The following MAF variants were observed in gnomAD, a reference collection of about 807,000 sequenced individuals.
The protein encoded by MAF is transcription factor Maf.
A neutral mutation model predicts 22.0 loss-of-function variants in MAF; 10 were observed. That is an observed-to-expected ratio of 0.45 (90% CI 0.28 to 0.77). The LOEUF is 0.77. Among genes scored for constraint, MAF ranks in the 30% least tolerant of loss-of-function variants. The pLI, the probability that MAF is intolerant of heterozygous loss-of-function variation, is 0.12. For synonymous variants in MAF, 337 were observed against 255.8 expected (o/e 1.32, Z -3.03); for missense variants, 544 against 548.4 (o/e 0.99, Z 0.08).
the MAF span, among the ~76,000 whole-genome samples, chr16:79,423,453 T>A: frequency 6.6e-6 from 1 of 152,166 alleles, no homozygotes; most frequent in Non-Finnish European, 1.5e-5. Flanking sequence ...CGATGACTTG[T>A]GTGTTCCATC....
the MAF span, among the ~76,000 whole-genome samples, chr16:79,219,081 G>A: frequency 3.3e-5 from 5 of 152,222 alleles, no homozygotes; most frequent in Non-Finnish European, 1.5e-5. Context: ...CTGTTTACAA[G>A]GCCATGCCCT....
chr16:79,484,503 G>T, the MAF span, among the ~76,000 whole-genome samples: 2 of 152,190 alleles, frequency 1.3e-5, no homozygotes, highest in East Asian at 3.9e-4. Context: ...GGTCAGCCAG[G>T]TTCACTTTTC....
At chr16:79,418,321 G>C in the MAF span, among the ~76,000 whole-genome samples, 1 of 152,142 alleles carries the variant, frequency 6.6e-6, no homozygotes, top group Non-Finnish European at 1.5e-5. Context: ...CTCACGGTCA[G>C]CTGGGAGCAG....
the MAF span, among the ~76,000 whole-genome samples, chr16:79,563,180 C>A: frequency 6.6e-6 from 1 of 152,146 alleles, no homozygotes; most frequent in African/African-American, 2.4e-5. Flanking sequence ...AGCTAAACCT[C>A]AATCTGGCAG....
At chr16:79,484,048 C>G in the MAF span, among the ~76,000 whole-genome samples, 4 of 152,122 alleles carry the variant, frequency 2.6e-5, no homozygotes, top group African/African-American at 9.7e-5. Flanking sequence ...CCAGCAGGTG[C>G]CAGGTATTTC....
the MAF span, among the ~76,000 whole-genome samples, chr16:79,521,253 A>G: frequency 6.6e-6 from 1 of 152,366 alleles, no homozygotes; most frequent in Non-Finnish European, 1.5e-5. Flanking sequence ...GAATCGCAAC[A>G]TATCATTGGA....
At chr16:79,500,962 T>C in the MAF span, among the ~76,000 whole-genome samples, 4 of 152,196 alleles carry the variant, frequency 2.6e-5, no homozygotes, top group Non-Finnish European at 4.4e-5. Context: ...ATCCTGATCA[T>C]GGGCTGGCTC....
chr16:79,376,288 A>G, the MAF span, among the ~76,000 whole-genome samples: 1 of 152,058 alleles, frequency 6.6e-6, no homozygotes, highest in Admixed American at 6.5e-5. Flanking sequence ...GGTTGCATCT[A>G]TCTTAATCTG....
the MAF span, among the ~76,000 whole-genome samples, chr16:79,424,439 C>T: frequency 3.3e-5 from 5 of 152,116 alleles, no homozygotes; most frequent in Non-Finnish European, 7.4e-5. Flanking sequence ...CTTCTGCGGG[C>T]CTGGGCACTT....
the MAF span, among the ~76,000 whole-genome samples, chr16:79,471,581 G>GT: frequency 6.6e-6 from 1 of 152,204 alleles, no homozygotes; most frequent in South Asian, 2.1e-4. Flanking sequence ...GGCGGCTGAG[G>GT]TAGGAGGATG....
At chr16:79,295,367 G>C in the MAF span, among the ~76,000 whole-genome samples, 2 of 152,246 alleles carry the variant, frequency 1.3e-5, no homozygotes, top group Admixed American at 1.3e-4. Context: ...CGTGGTGGAA[G>C]AAGATTTATG....
chr16:79,413,347 A>G, the MAF span, among the ~76,000 whole-genome samples: 1 of 142,452 alleles, frequency 7.0e-6, no homozygotes, highest in South Asian at 2.4e-4. Context: ...GGTTCACGCC[A>G]TTCTCCTGCC....
intron 1 of MAF, among the ~76,000 whole-genome samples, chr16:79,588,240 C>T (rs1230094658): frequency 6.6e-6 from 1 of 152,158 alleles, no homozygotes; most frequent in African/African-American, 2.4e-5. Context: ...GCATGTGTCT[C>T]CACACTGCTC....
At chr16:79,459,703 G>C in the MAF span, among the ~76,000 whole-genome samples, 5,762 of 151,858 alleles carry the variant, frequency 0.038, 114 homozygotes, top group South Asian at 0.054. Flanking sequence ...CTCCCGACTA[G>C]CTGGGACTAC....
chr16:79,498,590 AC>A, the MAF span, among the ~76,000 whole-genome samples: 1 of 152,172 alleles, frequency 6.6e-6, no homozygotes, highest in South Asian at 2.1e-4. Flanking sequence ...TACAACTCAC[AC>A]CAGCTCCTTG....
At chr16:79,239,266 G>A in the MAF span, among the ~76,000 whole-genome samples, 1 of 152,060 alleles carries the variant, frequency 6.6e-6, no homozygotes, top group Non-Finnish European at 1.5e-5. Flanking sequence ...TGTGCGCAGT[G>A]ATTGACACAT....
chr16:79,349,629 G>T, the MAF span, among the ~76,000 whole-genome samples: 2 of 152,184 alleles, frequency 1.3e-5, no homozygotes, highest in African/African-American at 4.8e-5. Context: ...GCTGCTGTCT[G>T]TGCAGGAACC....
the MAF span, among the ~76,000 whole-genome samples, chr16:79,536,004 T>A: frequency 6.6e-6 from 1 of 152,186 alleles, no homozygotes; most frequent in Non-Finnish European, 1.5e-5. Flanking sequence ...ATTTATAGAA[T>A]CAGGATTATG....
At chr16:79,574,663 C>T in the MAF span, among the ~76,000 whole-genome samples, 3 of 152,026 alleles carry the variant, frequency 2.0e-5, no homozygotes, top group Admixed American at 1.3e-4. Flanking sequence ...TGTGACCTAC[C>T]CAGGTCACAT....
Sources: allele counts gnomAD v4.1 joint callset (sites outside exome capture counted in the v4.1 genomes callset), GRCh38; gene constraint gnomAD v4.1.1; transcripts MANE v1.5; gene names NCBI Gene and HGNC (gene_info 2026-07-23, HGNC 2026-07-21).